Variants in SEMA3E observed in about 807,000 individuals in gnomAD.
SEMA3E encodes the protein semaphorin-3E.
In SEMA3E, 49 loss-of-function variants were observed where a neutral mutation model predicts 93.6. That is an observed-to-expected ratio of 0.52 (90% CI 0.42 to 0.66). The LOEUF is 0.66. Among genes scored for constraint, SEMA3E ranks in the 30% least tolerant of loss-of-function variants. The probability of loss-of-function intolerance (pLI) is 0.00; values close to 1 mark genes in which losing one functional copy is unlikely to be tolerated. For missense variants in SEMA3E, 906 were observed against 964.8 expected, an observed-to-expected ratio of 0.94 and a Z score of 0.81; for synonymous variants, 363 against 330.7, an observed-to-expected ratio of 1.10 and a Z score of -1.06.
chr7:83,527,709 A>C (rs1791190384), intron 1 of SEMA3E, among the ~76,000 whole-genome samples: 1 of 152,156 alleles, frequency 6.6e-6, no homozygotes. Flanking sequence ...TCTTGAGCTA[A>C]GATAGCATTT....
chr7:83,549,656 A>G (rs1452407079), intron 1 of SEMA3E, among the ~76,000 whole-genome samples: 1 of 152,068 alleles, frequency 6.6e-6, no homozygotes, highest in Non-Finnish European at 1.5e-5. Flanking sequence ...CAATATTACT[A>G]TTAAAGATAA....
At chr7:83,415,856 T>C (rs1788528719) in intron 5 of SEMA3E, among the ~76,000 whole-genome samples, 1 of 152,102 alleles carries the variant, frequency 6.6e-6, no homozygotes, top group South Asian at 2.1e-4. Context: ...AACTAAGAAG[T>C]AGCAATAATC....
intron 1 of SEMA3E, among the ~76,000 whole-genome samples, chr7:83,616,933 C>T (rs545065994): frequency 6.6e-6 from 1 of 152,074 alleles, no homozygotes; most frequent in African/African-American, 2.4e-5. Context: ...CCACGTTGGC[C>T]AGGCTGGTCT....
chr7:83,402,746 G>C lies in SEMA3E; in HGVS notation c.1029C>G (p.Val343=). 6.2e-7 allele frequency: 1 copy of C among 1,612,680 alleles called. No homozygotes were observed. The highest frequency in any genetic ancestry group is 1.1e-5 in the South Asian group (1 of 91,054). ...CTGCCCGAATGCTAGACATGTGATAGACACATATAGCATGCCCTCGAAAAA... is the reference window on the plus strand; with the variant it reads ...CTGCCCGAATGCTAGACATGTGATACACACATATAGCATGCCCTCGAAAAA... ...SNIFRGHAIC[V]YHMSSIRAAF... The change falls in exon 10 of 17, where the codon GTC becomes GTG. Residue 343 remains valine, a synonymous_variant. Coordinates refer to ENST00000643230, the MANE Select transcript of SEMA3E (RefSeq NM_012431.3).
intron 16 of SEMA3E, among the ~76,000 whole-genome samples, chr7:83,378,436 T>TA (rs1787705699): frequency 6.6e-6 from 1 of 151,876 alleles, no homozygotes; most frequent in East Asian, 1.9e-4. Context: ...ACCTTTTTAC[T>TA]AAAAAGAAAA....
At position 83,396,689 on chromosome 7, in the gene SEMA3E, T is replaced by G. The variant is rs1788129429; in HGVS notation, c.1407A>C (p.Gln469His). The G allele has an allele frequency of 1.2e-6, 2 of 1,608,654 alleles. No homozygotes were observed. Among genetic ancestry groups the G allele is most frequent in the African/African-American group, 1.3e-5 (1 of 74,862 alleles). The change falls in exon 12 of 17, where the codon CAA (glutamine) becomes CAC (histidine). Residue 469 changes from glutamine (Q) to histidine (H), a missense_variant. Transcript: ENST00000643230. ...IVLKVITIYN[Q>H]EMESMEEVIL... is the part of the protein sequence containing the mutation. Reference sequence around the variant, plus strand: ...TTACTTCTTCCATTGATTCCATTTCTTGGTTGTAAATTGTGATTACTTTCA... The same window carrying G: ...TTACTTCTTCCATTGATTCCATTTCGTGGTTGTAAATTGTGATTACTTTCA...
chr7:83,368,661 G>C (rs1274555068), intron 16 of SEMA3E, among the ~76,000 whole-genome samples: 1 of 152,122 alleles, frequency 6.6e-6, no homozygotes, highest in Non-Finnish European at 1.5e-5. Flanking sequence ...TCCAGTTCCT[G>C]CTCTAAAGGA....
At chr7:83,453,998 C>T (rs375916120) in intron 4 of SEMA3E, among the ~76,000 whole-genome samples, 2 of 151,704 alleles carry the variant, frequency 1.3e-5, no homozygotes, top group Non-Finnish European at 1.5e-5. Flanking sequence ...ATGGTTCAAG[C>T]CTGTAATCCC....
At chr7:83,619,190 T>G (rs1231457545) in intron 1 of SEMA3E, among the ~76,000 whole-genome samples, 4 of 151,870 alleles carry the variant, frequency 2.6e-5, no homozygotes, top group Non-Finnish European at 5.9e-5. Context: ...TGGAACAACT[T>G]TTAGTAGTTA....
At chr7:83,461,378 T>C (rs1789613028) in intron 4 of SEMA3E, among the ~76,000 whole-genome samples, 1 of 152,118 alleles carries the variant, frequency 6.6e-6, no homozygotes, top group Admixed American at 6.5e-5. Flanking sequence ...GTCCCAATTC[T>C]ACCTCAGCCT....
chr7:83,480,282 T>C (rs1360929023), intron 2 of SEMA3E, among the ~76,000 whole-genome samples: 2 of 151,960 alleles, frequency 1.3e-5, no homozygotes, highest in African/African-American at 4.8e-5. Flanking sequence ...CCACCAAAAT[T>C]ACAAAACAAA....
chr7:83,528,372 A>G (rs1791210910), intron 1 of SEMA3E, among the ~76,000 whole-genome samples: 1 of 152,128 alleles, frequency 6.6e-6, no homozygotes, highest in South Asian at 2.1e-4. Flanking sequence ...TCAGGGATTG[A>G]ATAGGAGCTT....
In SEMA3E at chr7:83,367,394, A is replaced by T; in HGVS notation, c.*192T>A. 1.7e-6 allele frequency: 1 copy of T among 604,718 alleles called. No homozygotes were observed. The highest frequency in any genetic ancestry group is 2.9e-6 in the Non-Finnish European group (1 of 347,712). The allele number at this position is 604,718 out of a possible 1,614,324, so 37.5% of individuals were successfully genotyped here. A position where few individuals can be genotyped will look rare whatever the true frequency, so the allele number is the denominator to read the frequency against. On this transcript the variant is annotated 3_prime_UTR_variant, in exon 17 of 17. Transcript: ENST00000643230. Reference sequence around the variant, plus strand: ...CATTAAGCAATGCATTTATTTAAAAAATTAGTTAATTTTATGTAAAGTTTA... The same window carrying T: ...CATTAAGCAATGCATTTATTTAAAATATTAGTTAATTTTATGTAAAGTTTA...
Position 83,531,284 on chromosome 7 carries a change from G to GT in SEMA3E, c.116-41011dup, listed in dbSNP as rs34372992. On this transcript the variant is annotated intron_variant, in intron 1 of 16. Transcript: ENST00000643230. Reference sequence around the variant, plus strand: ...AGTAAACAAGTTGGGAAAATTCATAGTTTTTTTTTTTTTAACAAGTTATTT... The same window carrying GT: ...AGTAAACAAGTTGGGAAAATTCATAGTTTTTTTTTTTTTTAACAAGTTATTT... Among the ~76,000 whole-genome samples, 43 of 80,614 alleles carry GT rather than the reference G, an allele frequency of 5.3e-4. 1 individual carries two copies. Among genetic ancestry groups the GT allele is most frequent in the Admixed American group, 1.1e-3 (9 of 7,914 alleles). 52.9% of individuals were successfully genotyped at this position (80,614 alleles called of 152,430 possible).
chr7:83,375,585 C>G (rs1397586858), intron 16 of SEMA3E, among the ~76,000 whole-genome samples: 2 of 151,894 alleles, frequency 1.3e-5, no homozygotes, highest in African/African-American at 2.4e-5. Flanking sequence ...TATACTAGAA[C>G]AAAAGGAACT....
intron 5 of SEMA3E, among the ~76,000 whole-genome samples, chr7:83,416,362 TCACTTAGAA>T (rs1218113263): frequency 6.6e-6 from 1 of 152,070 alleles, no homozygotes; most frequent in East Asian, 1.9e-4. Context: ...TCAATGAAAC[TCACTTAGAA>T]ATGTCCCTCC....
At chr7:83,415,661 A>T (rs1562772018) in intron 5 of SEMA3E, among the ~76,000 whole-genome samples, 1 of 152,096 alleles carries the variant, frequency 6.6e-6, no homozygotes, top group Non-Finnish European at 1.5e-5. Flanking sequence ...ACTGAATTTA[A>T]GTTAACTGAA....
intron 14 of SEMA3E, among the ~76,000 whole-genome samples, chr7:83,390,103 G>A (rs144791937): frequency 0.073 from 5,932 of 81,546 alleles, 564 homozygotes; most frequent in Middle Eastern, 0.1. Context: ...GCGCGTATAC[G>A]TGTGCACATA....
chr7:83,405,508 A>G lies in SEMA3E; in HGVS notation c.940T>C (p.Leu314=), dbSNP rs1196284795. The G allele has an allele frequency of 6.2e-7, 1 of 1,612,930 alleles. No homozygotes were observed. The highest frequency in any genetic ancestry group is 8.5e-7 in the Non-Finnish European group (1 of 1,179,318). Residue 314 remains leucine, a synonymous_variant, in exon 9 of 17, where the codon TTG becomes CTG. Coordinates refer to ENST00000643230, the MANE Select transcript of SEMA3E (RefSeq NM_012431.3). ...TTCTTATGATCTCTGGTAGGTAGCAAAAAAACGTCCTCTGAAAAATTAAAG... is the reference window on the plus strand; with the variant it reads ...TTCTTATGATCTCTGGTAGGTAGCAGAAAAACGTCCTCTGAAAAATTAAAG... ...TYFDELEDVF[L]LPTRDHKNPV...
Sources: allele counts gnomAD v4.1 joint callset (sites outside exome capture counted in the v4.1 genomes callset), GRCh38; gene constraint gnomAD v4.1.1; transcripts MANE v1.5; gene names NCBI Gene and HGNC (gene_info 2026-07-23, HGNC 2026-07-21).